The following CDH18 variants were observed in gnomAD, a reference collection of about 807,000 sequenced individuals.
CDH18 encodes cadherin 18.
Under a neutral mutation model 67.9 loss-of-function variants are expected in CDH18, and 31 were observed. That is an observed-to-expected ratio of 0.46 (90% CI 0.34 to 0.62). The LOEUF (loss-of-function observed/expected upper bound fraction) is 0.62, where lower values mean the gene tolerates loss of function less well. Ranked by LOEUF, CDH18 falls within the 20% of genes least tolerant of loss-of-function variation. The pLI, the probability that CDH18 is intolerant of heterozygous loss-of-function variation, is 0.01. For missense variants in CDH18, 890 were observed against 975.5 expected (o/e 0.91, Z 1.17); for synonymous variants, 362 against 347.2 (o/e 1.04, Z -0.48).
At chr5:20,024,697 G>T (rs573408200) in intron 2 of CDH18, among the ~76,000 whole-genome samples, 4 of 152,146 alleles carry the variant, frequency 2.6e-5, no homozygotes, top group Admixed American at 6.6e-5. Flanking sequence ...TCATTCACTT[G>T]CCTAAAGGGT....
chr5:20,427,139 T>G (rs1748364915), intron 1 of CDH18, among the ~76,000 whole-genome samples: 1 of 151,152 alleles, frequency 6.6e-6, no homozygotes, highest in African/African-American at 2.5e-5. Flanking sequence ...TATATTACAT[T>G]TCGTTTAATA....
intron 2 of CDH18, among the ~76,000 whole-genome samples, chr5:19,893,978 T>C (rs1403785009): frequency 2.6e-5 from 4 of 152,186 alleles, no homozygotes; most frequent in African/African-American, 9.6e-5. Context: ...CCTATCATTA[T>C]CACCTTGCAT....
intron 6 of CDH18, among the ~76,000 whole-genome samples, chr5:19,604,063 T>C (rs1484873022): frequency 6.6e-6 from 1 of 151,922 alleles, no homozygotes; most frequent in Non-Finnish European, 1.5e-5. Context: ...CATCATAATA[T>C]ACTACTGATT....
chr5:20,529,253 T>A (rs1336662874), intron 1 of CDH18, among the ~76,000 whole-genome samples: 1 of 149,880 alleles, frequency 6.7e-6, no homozygotes, highest in Non-Finnish European at 1.5e-5. Flanking sequence ...TAGTAATAAA[T>A]AGCCTACCAA....
chr5:20,281,122 AG>A (rs1746232890), intron 1 of CDH18, among the ~76,000 whole-genome samples: 1 of 151,840 alleles, frequency 6.6e-6, no homozygotes, highest in Admixed American at 6.6e-5. Context: ...TTGTCAGATG[AG>A]TAGGTTGCAA....
chr5:19,507,612 G>A (rs558034837), intron 10 of CDH18, among the ~76,000 whole-genome samples: 2 of 152,244 alleles, frequency 1.3e-5, no homozygotes, highest in Admixed American at 1.3e-4. Flanking sequence ...GTAGGGACAT[G>A]GATGAAGCTG....
At chr5:20,538,166 G>T (rs1756834866) in intron 1 of CDH18, among the ~76,000 whole-genome samples, 1 of 152,052 alleles carries the variant, frequency 6.6e-6, no homozygotes, top group South Asian at 2.1e-4. Context: ...ACATCACTAT[G>T]AATGTAAGAA....
At chr5:19,739,676 T>A (rs754324978) in intron 4 of CDH18, among the ~76,000 whole-genome samples, 23 of 152,328 alleles carry the variant, frequency 1.5e-4, no homozygotes, top group Admixed American at 5.2e-4. Context: ...TTGTCTACTT[T>A]CTGGTTTGTC....
intron 2 of CDH18, among the ~76,000 whole-genome samples, chr5:20,040,748 G>A (rs1291696612): frequency 6.6e-6 from 1 of 152,088 alleles, no homozygotes; most frequent in East Asian, 1.9e-4. Context: ...GCTTGGAGGA[G>A]TAAATATCTT....
At chr5:19,748,783 AT>A (rs570961160) in intron 3 of CDH18, among the ~76,000 whole-genome samples, 5 of 152,054 alleles carry the variant, frequency 3.3e-5, no homozygotes, top group East Asian at 1.9e-4. Context: ...TGAGAAAAAG[AT>A]TTTTTTTCTG....
At chr5:19,837,961 T>A (rs1781868654) in intron 3 of CDH18, among the ~76,000 whole-genome samples, 1 of 152,100 alleles carries the variant, frequency 6.6e-6, no homozygotes, top group South Asian at 2.1e-4. Context: ...TCGTTCTCAA[T>A]CCTAGAGCCT....
intron 2 of CDH18, among the ~76,000 whole-genome samples, chr5:20,126,350 A>G (rs1007367615): frequency 1.3e-5 from 2 of 152,216 alleles, no homozygotes; most frequent in Non-Finnish European, 2.9e-5. Flanking sequence ...ACCTGAAACT[A>G]TAAAGCTACA....
intron 2 of CDH18, among the ~76,000 whole-genome samples, chr5:20,156,618 A>G (rs1751553582): frequency 6.6e-6 from 1 of 152,076 alleles, no homozygotes; most frequent in South Asian, 2.1e-4. Flanking sequence ...ACGGAATACA[A>G]TGTACACTAT....
intron 2 of CDH18, among the ~76,000 whole-genome samples, chr5:20,071,220 T>C (rs1423119795): frequency 6.6e-6 from 1 of 152,136 alleles, no homozygotes; most frequent in Admixed American, 6.6e-5. Context: ...TCAGTGTATT[T>C]TTTTTCTCGG....
At chr5:20,057,782 A>G (rs1742121208) in intron 2 of CDH18, among the ~76,000 whole-genome samples, 1 of 152,110 alleles carries the variant, frequency 6.6e-6, no homozygotes, top group East Asian at 1.9e-4. Context: ...CTGGGTAAAG[A>G]ATATTCTTTT....
intron 2 of CDH18, among the ~76,000 whole-genome samples, chr5:20,166,834 C>T (rs1443128602): frequency 2.6e-5 from 4 of 152,112 alleles, no homozygotes; most frequent in East Asian, 3.9e-4. Flanking sequence ...CCTCCAAGCA[C>T]GCACTATGCA....
intron 5 of CDH18, among the ~76,000 whole-genome samples, chr5:19,698,365 T>C (rs1168767518): frequency 2.0e-5 from 3 of 152,096 alleles, no homozygotes; most frequent in Admixed American, 1.3e-4. Flanking sequence ...ATTTAATAAA[T>C]ACATAGAATT....
chr5:20,025,261 TC>T (rs796548733), intron 2 of CDH18, among the ~76,000 whole-genome samples: 3 of 152,308 alleles, frequency 2.0e-5, no homozygotes, highest in African/African-American at 7.2e-5. Context: ...TGGTCTGTGT[TC>T]CCACTTGGTT....
At chr5:20,302,749 AAC>A (rs1736063700) in intron 1 of CDH18, among the ~76,000 whole-genome samples, 1 of 152,242 alleles carries the variant, frequency 6.6e-6, no homozygotes, top group African/African-American at 2.4e-5. Context: ...TGAAGATCAG[AAC>A]ACACACACGT....
Sources: allele counts gnomAD v4.1 joint callset (sites outside exome capture counted in the v4.1 genomes callset), GRCh38; gene constraint gnomAD v4.1.1; transcripts MANE v1.5; gene names NCBI Gene and HGNC (gene_info 2026-07-23, HGNC 2026-07-21).